The following PTPN14 variants were observed in gnomAD, a reference collection of about 807,000 sequenced individuals.
PTPN14 encodes the protein tyrosine-protein phosphatase non-receptor type 14.
PTPN14 carries 53 observed loss-of-function variants against 126.8 expected under a neutral mutation model. The observed-to-expected ratio is 0.42, with a 90% CI of 0.34 to 0.53. The LOEUF (loss-of-function observed/expected upper bound fraction) is 0.53. PTPN14 is among the 20% of genes least tolerant of loss of function. PTPN14 has a pLI of 0.08. For missense variants in PTPN14, 1,257 were observed against 1,552.9 expected, an observed-to-expected ratio of 0.81 and a Z score of 3.20; for synonymous variants, 630 against 599.3, an observed-to-expected ratio of 1.05 and a Z score of -0.75.
chr1:214,494,215 C>T (rs182751331), intron 1 of PTPN14, among the ~76,000 whole-genome samples: 24 of 152,220 alleles, frequency 1.6e-4, no homozygotes, highest in African/African-American at 2.2e-4. Flanking sequence ...GGACTACAGG[C>T]GCCCAGCTAA....
At chr1:214,482,560 C>T (rs878951322) in intron 1 of PTPN14, among the ~76,000 whole-genome samples, 1 of 124,126 alleles carries the variant, frequency 8.1e-6, no homozygotes, top group Admixed American at 9.0e-5. Context: ...AGATGGGCAC[C>T]CGAATGCAGT....
chr1:214,452,486 C>T (rs968301703), intron 2 of PTPN14, among the ~76,000 whole-genome samples: 1 of 152,214 alleles, frequency 6.6e-6, no homozygotes, highest in Non-Finnish European at 1.5e-5. Context: ...AATTTATTCA[C>T]TCTTTTCGTG....
chr1:214,367,265 T>G (rs1482841572), intron 17 of PTPN14, among the ~76,000 whole-genome samples: 2 of 152,170 alleles, frequency 1.3e-5, no homozygotes, highest in African/African-American at 4.8e-5. Flanking sequence ...TATTTCAAGC[T>G]ACAGATAACA....
Position 214,532,181 on chromosome 1 carries a change from C to T in PTPN14, c.-155+19002G>A, listed in dbSNP as rs1178346709. The T allele has an allele frequency of 7.8e-5, 26 of 331,824 alleles. 1 individual carries two copies. The highest frequency in any genetic ancestry group is 5.3e-5 in the Non-Finnish European group (9 of 170,506). 20.6% of individuals were successfully genotyped at this position (331,824 alleles called of 1,614,324 possible). On this transcript the variant is annotated intron_variant, in intron 1 of 18. Coordinates refer to ENST00000366956, the MANE Select transcript of PTPN14 (RefSeq NM_005401.5). ...AGCCTGGGTCCTGTCCTCTCGTTCT[C>T]CTCCCCAGACAGCATGAGTTTCACC...
chr1:214,413,614 A>C (rs114735356), intron 4 of PTPN14, among the ~76,000 whole-genome samples: 2,839 of 152,318 alleles, frequency 0.019, 75 homozygotes, highest in African/African-American at 0.062. Flanking sequence ...GACTAAAAGG[A>C]AAAGTTTCTT....
At chr1:214,489,545 A>C (rs2102415627) in intron 1 of PTPN14, among the ~76,000 whole-genome samples, 1 of 152,264 alleles carries the variant, frequency 6.6e-6, no homozygotes, top group Admixed American at 6.5e-5. Context: ...CTTCCAGGAA[A>C]GTTCTCTAAA....
chr1:214,436,747 A>T (rs1659926401), intron 3 of PTPN14, among the ~76,000 whole-genome samples: 1 of 127,584 alleles, frequency 7.8e-6, no homozygotes. Flanking sequence ...AGATCGCACC[A>T]TTGCACTCCA....
intron 2 of PTPN14, among the ~76,000 whole-genome samples, chr1:214,462,583 C>A (rs556014294): frequency 6.6e-6 from 1 of 152,348 alleles, no homozygotes; most frequent in East Asian, 1.9e-4. Flanking sequence ...CTTCCATCAA[C>A]TCTTTCACTC....
intron 1 of PTPN14, among the ~76,000 whole-genome samples, chr1:214,519,268 A>AAAAAC (rs1287954703): frequency 1.3e-5 from 2 of 152,146 alleles, no homozygotes; most frequent in African/African-American, 4.8e-5. Context: ...GACTGTCTCA[A>AAAAAC]AAAACAAAAC....
intron 8 of PTPN14, 28 bp downstream of exon 8, chr1:214,397,885 A>G: frequency 6.5e-7 from 1 of 1,546,398 alleles, no homozygotes; most frequent in African/African-American, 1.4e-5. Context: ...GTAAAAAAGA[A>G]AAAAGAAAAA....
chr1:214,535,778 CA>C (rs10689118), intron 1 of PTPN14, among the ~76,000 whole-genome samples: 238 of 130,276 alleles, frequency 1.8e-3, no homozygotes, highest in Non-Finnish European at 1.8e-3. Context: ...GACTCCATCT[CA>C]AAAAAAAAAA....
intron 1 of PTPN14, among the ~76,000 whole-genome samples, chr1:214,509,689 G>T (rs555040472): frequency 2.1e-4 from 32 of 152,174 alleles, no homozygotes; most frequent in Non-Finnish European, 4.4e-4. Context: ...ACATGCACAT[G>T]TATGTTTATT....
chr1:214,452,247 G>T (rs147431202), intron 2 of PTPN14, among the ~76,000 whole-genome samples: 1 of 152,164 alleles, frequency 6.6e-6, no homozygotes, highest in Non-Finnish European at 1.5e-5. Flanking sequence ...AAGGGGAGTC[G>T]CGCAGGGAAG....
At chr1:214,377,433 A>G (rs1020918142) in intron 14 of PTPN14, among the ~76,000 whole-genome samples, 2 of 152,156 alleles carry the variant, frequency 1.3e-5, no homozygotes, top group Non-Finnish European at 2.9e-5. Flanking sequence ...TACTGGGCTT[A>G]ATACCTGGGT....
rs533330548 is a variant in PTPN14 at position 214,378,006 on chromosome 1, G to A, written c.2641C>T (p.Arg881Trp). ...NGLSVARVSG[R>W]EENRVDATRV... Reference sequence around the variant, plus strand: ...GTGGCATCAACTCGATTCTCTTCCCGCCCTGAGACTCGAGCCACCGAGAGC... The same window carrying A: ...GTGGCATCAACTCGATTCTCTTCCCACCCTGAGACTCGAGCCACCGAGAGC... Residue 881 changes from arginine (R) to tryptophan (W), a missense_variant, in exon 14 of 19, where the codon CGG becomes TGG. This residue lies in a region of PTPN14 where 1,021 missense variants were observed against 1,183.3 expected (regional missense o/e 0.86). Transcript: ENST00000366956. 2.2e-5 allele frequency: 35 copies of A among 1,602,808 alleles called. No individual in the cohort carries two copies. Among genetic ancestry groups the A allele is most frequent in the Middle Eastern group, 1.7e-4 (1 of 6,046 alleles).
chr1:214,501,582 T>C (rs17042140), intron 1 of PTPN14, among the ~76,000 whole-genome samples: 120,557 of 152,052 alleles, frequency 0.79, 48,296 homozygotes, highest in African/African-American at 0.86. Context: ...AGGCTATAAA[T>C]TCCTTCAGAG....
rs894670707 is a variant in PTPN14, at chr1:214,524,084, G to A, written c.-155+27099C>T. On this transcript the variant is annotated intron_variant, in intron 1 of 18. Transcript: ENST00000366956. ...AGGCTGGTCTCAAACTCCTCACCTC[G>A]GGTGATCTACCTGCCTCGGCCTCCC... Among the ~76,000 whole-genome samples the A allele has an allele frequency of 2.6e-5, 4 of 151,694 alleles. No individual in the cohort carries two copies. In the South Asian group the frequency reaches 6.3e-4, roughly 24 times the overall value.
At chr1:214,437,989 G>A (rs1659957088) in intron 3 of PTPN14, among the ~76,000 whole-genome samples, 1 of 152,174 alleles carries the variant, frequency 6.6e-6, no homozygotes, top group Non-Finnish European at 1.5e-5. Flanking sequence ...AAATGCCATA[G>A]GCAATACTGA....
At chr1:214,406,323 C>T (rs1438331912) in intron 5 of PTPN14, among the ~76,000 whole-genome samples, 1 of 151,844 alleles carries the variant, frequency 6.6e-6, no homozygotes, top group African/African-American at 2.4e-5. Flanking sequence ...ACTAAAAATA[C>T]AAAAATTAGC....
Sources: gnomAD v4.1 joint callset for allele counts (sites outside exome capture counted in the v4.1 genomes callset) on GRCh38, gnomAD v4.1.1 for gene constraint, gnomAD v4.1.1 regional missense constraint, MANE v1.5 for transcripts, NCBI Gene and HGNC (gene_info 2026-07-23, HGNC 2026-07-21) for gene names.